RSRC1: variants seen among roughly 807,000 people sequenced by gnomAD.
RSRC1 encodes the protein serine/Arginine-related protein 53.
In RSRC1, 39 loss-of-function variants were observed where a neutral mutation model predicts 49.1. The ratio of observed to expected loss-of-function variants is 0.79; its 90% CI spans 0.61 to 1.04. The LOEUF (loss-of-function observed/expected upper bound fraction) is 1.04, where lower values mean the gene tolerates loss of function less well. Ranked by LOEUF, RSRC1 falls within the 50% of genes least tolerant of loss-of-function variation. The pLI, the probability that RSRC1 is intolerant of heterozygous loss-of-function variation, is 0.00. For synonymous variants in RSRC1, 143 were observed against 130.8 expected (o/e 1.09, Z -0.63); for missense variants, 388 against 402.4 (o/e 0.96, Z 0.31).
intron 6 of RSRC1, among the ~76,000 whole-genome samples, chr3:158,361,635 C>T (rs1387092157): frequency 6.6e-6 from 1 of 152,210 alleles, no homozygotes; most frequent in Non-Finnish European, 1.5e-5. Context: ...CTTACAAAAT[C>T]AGTGTTATGT....
intron 4 of RSRC1, among the ~76,000 whole-genome samples, chr3:158,221,055 T>A (rs827103): frequency 2.0e-5 from 3 of 151,492 alleles, no homozygotes. Context: ...TTGATATTAT[T>A]CAGTATTTGT....
At chr3:158,186,036 CAT>C (rs768792211) in intron 3 of RSRC1, among the ~76,000 whole-genome samples, 18 of 152,006 alleles carry the variant, frequency 1.2e-4, no homozygotes, top group East Asian at 1.2e-3. Flanking sequence ...CAGTTTTCCA[CAT>C]GTTTTCTTTC....
intron 6 of RSRC1, among the ~76,000 whole-genome samples, chr3:158,363,417 C>G (rs112565413): frequency 6.6e-6 from 1 of 152,192 alleles, no homozygotes; most frequent in Admixed American, 6.5e-5. Context: ...GTGCGCACCA[C>G]CACACCCAGC....
chr3:158,358,158 A>G (rs1299010470), intron 6 of RSRC1, among the ~76,000 whole-genome samples: 1 of 152,236 alleles, frequency 6.6e-6, no homozygotes, highest in Non-Finnish European at 1.5e-5. Context: ...TATATCAAAC[A>G]TAAATTTGAG....
At chr3:158,263,236 G>C (rs1200006331) in intron 4 of RSRC1, among the ~76,000 whole-genome samples, 1 of 152,018 alleles carries the variant, frequency 6.6e-6, no homozygotes, top group South Asian at 2.1e-4. Flanking sequence ...TTTAAGAAAT[G>C]GTTGTTTTAT....
intron 3 of RSRC1, among the ~76,000 whole-genome samples, chr3:158,192,191 G>A (rs1486514435): frequency 1.3e-5 from 2 of 151,994 alleles, no homozygotes; most frequent in Non-Finnish European, 2.9e-5. Flanking sequence ...AGGTCCAATA[G>A]CTTATTCTGT....
intron 7 of RSRC1, among the ~76,000 whole-genome samples, chr3:158,530,222 T>C (rs1179934785): frequency 6.6e-6 from 1 of 151,972 alleles, no homozygotes; most frequent in Non-Finnish European, 1.5e-5. Flanking sequence ...GTTACTAAAT[T>C]AGCACTTTTG....
intron 6 of RSRC1, among the ~76,000 whole-genome samples, chr3:158,452,353 G>A (rs921414229): frequency 6.6e-5 from 10 of 152,080 alleles, no homozygotes; most frequent in South Asian, 4.1e-4. Flanking sequence ...AGCTTATACT[G>A]TATCTTTTTT....
At chr3:158,366,665 GT>G (rs1337929512) in intron 6 of RSRC1, among the ~76,000 whole-genome samples, 2 of 152,060 alleles carry the variant, frequency 1.3e-5, no homozygotes, top group Non-Finnish European at 2.9e-5. Flanking sequence ...CTTTAAAGTA[GT>G]TTTTTCCAAT....
intron 6 of RSRC1, among the ~76,000 whole-genome samples, chr3:158,411,911 C>T (rs1246477972): frequency 1.3e-5 from 2 of 152,024 alleles, no homozygotes; most frequent in African/African-American, 4.8e-5. Context: ...CATAGCTCTT[C>T]CTAACCTACT....
intron 1 of RSRC1, among the ~76,000 whole-genome samples, chr3:158,117,544 G>A (rs549720590): frequency 1.3e-5 from 2 of 152,200 alleles, no homozygotes; most frequent in African/African-American, 2.4e-5. Context: ...CACCCACTTC[G>A]GCCTGCCAAA....
chr3:158,187,149 A>C (rs548181979), intron 3 of RSRC1, among the ~76,000 whole-genome samples: 1 of 152,096 alleles, frequency 6.6e-6, no homozygotes, highest in Non-Finnish European at 1.5e-5. Context: ...AGTAAAAACA[A>C]AACAAAACAG....
At chr3:158,503,775 C>A (rs1232016702) in intron 7 of RSRC1, among the ~76,000 whole-genome samples, 1 of 152,038 alleles carries the variant, frequency 6.6e-6, no homozygotes, top group African/African-American at 2.4e-5. Flanking sequence ...AGGTGTTGGG[C>A]GAGCCAGGCT....
chr3:158,198,670 C>T (rs1370484962), intron 3 of RSRC1, among the ~76,000 whole-genome samples: 2 of 151,862 alleles, frequency 1.3e-5, no homozygotes, highest in Non-Finnish European at 2.9e-5. Flanking sequence ...CACCCACTGT[C>T]GTGCACCCAC....
intron 3 of RSRC1, among the ~76,000 whole-genome samples, chr3:158,154,167 ATGTAATAGCATTG>A (rs147885049): frequency 0.22 from 33,178 of 152,096 alleles, 4,196 homozygotes; most frequent in Non-Finnish European, 0.29. Context: ...TCTGTTAAGT[ATGTAATAGCATTG>A]TGTTTAAAAA....
In RSRC1 at chr3:158,435,172, A is replaced by AT. The variant is rs1735981440; in HGVS notation, c.584-25756dup. 2.0e-5 allele frequency among the ~76,000 whole-genome samples: 3 copies of AT among 151,892 alleles called. No homozygotes were observed. The South Asian group carries it at 6.2e-4, about 31-fold the overall frequency. ...ACTGTGTTAAAGCTTCTATTTATCTATTTTTTTAAAATTTGTGTTTCAAGT... is the reference window on the plus strand; with the variant it reads ...ACTGTGTTAAAGCTTCTATTTATCTATTTTTTTTAAAATTTGTGTTTCAAGT... On this transcript the variant is annotated intron_variant, in intron 6 of 9. Coordinates refer to ENST00000611884, the MANE Select transcript of RSRC1 (RefSeq NM_001271838.2).
At chr3:158,484,549 T>G (rs961266629) in intron 7 of RSRC1, among the ~76,000 whole-genome samples, 1 of 152,054 alleles carries the variant, frequency 6.6e-6, no homozygotes, top group Non-Finnish European at 1.5e-5. Context: ...TGTAAGAAAA[T>G]TATGATTAAG....
intron 3 of RSRC1, among the ~76,000 whole-genome samples, chr3:158,194,176 A>C (rs1435008997): frequency 6.6e-6 from 1 of 151,962 alleles, no homozygotes; most frequent in Admixed American, 6.6e-5. Flanking sequence ...TGGGAAGCTG[A>C]TGCGGGAGGA....
intron 4 of RSRC1, among the ~76,000 whole-genome samples, chr3:158,264,224 T>C (rs542891630): frequency 6.6e-6 from 1 of 152,302 alleles, no homozygotes; most frequent in East Asian, 1.9e-4. Flanking sequence ...TATTATGTTT[T>C]TGTTTCATTG....
Sources: allele counts gnomAD v4.1 joint callset (sites outside exome capture counted in the v4.1 genomes callset), GRCh38; gene constraint gnomAD v4.1.1; transcripts MANE v1.5; gene names NCBI Gene and HGNC (gene_info 2026-07-23, HGNC 2026-07-21).